SNX4: variants seen among roughly 807,000 people sequenced by gnomAD.
SNX4 encodes the protein sorting nexin-4.
In SNX4, 49 loss-of-function variants were observed where a neutral mutation model predicts 70.8. That is an observed-to-expected ratio of 0.69 (90% confidence interval 0.55 to 0.88). The LOEUF is 0.88. Ranked by LOEUF, SNX4 falls within the 40% of genes least tolerant of loss-of-function variation. SNX4 has a pLI of 0.00. For synonymous variants in SNX4, 206 were observed against 183.8 expected, an observed-to-expected ratio of 1.12 and a Z score of -0.98; for missense variants, 528 against 544.8, an observed-to-expected ratio of 0.97 and a Z score of 0.31.
intron 1 of SNX4, among the ~76,000 whole-genome samples, chr3:125,513,420 T>C (rs1490652867): frequency 6.6e-6 from 1 of 152,230 alleles, no homozygotes; most frequent in African/African-American, 2.4e-5. Flanking sequence ...AGTACCTAAT[T>C]CACAAAGTCA....
rs545176634 is a variant in SNX4 at position 125,519,948 on chromosome 3, GGCCCAGCCCA to G, written c.141+74_141+83del. 1.2e-3 allele frequency: 932 copies of G among 775,384 alleles called. 15 individuals are homozygous for G. Among genetic ancestry groups the G allele is most frequent in the Non-Finnish European group, 1.0e-3 (591 of 567,422 alleles). 48.0% of individuals were successfully genotyped at this position (775,384 alleles called of 1,614,324 possible). A position where few individuals can be genotyped will look rare whatever the true frequency, so the allele number is the denominator to read the frequency against. ...TCGGCCGAGCCCACTGGCCCGGCCC[GGCCCAGCCCA>G]GCCCAGCCCAGCCCAGCCCGGCCCG... On this transcript the variant is annotated intron_variant, in intron 1 of 13. Transcript: ENST00000251775.
intron 8 of SNX4, among the ~76,000 whole-genome samples, chr3:125,470,556 C>T (rs1401904345): frequency 6.7e-6 from 1 of 150,084 alleles, no homozygotes; most frequent in Non-Finnish European, 1.5e-5. Context: ...AACCTGAAGT[C>T]CACCCTCACC....
At chr3:125,507,200 A>G (rs1250805199) in intron 1 of SNX4, among the ~76,000 whole-genome samples, 1 of 150,996 alleles carries the variant, frequency 6.6e-6, no homozygotes, top group Non-Finnish European at 1.5e-5. Context: ...AGAAAAAAAA[A>G]AAAAAAAAAA....
chr3:125,480,519 G>A (rs1376622440), intron 6 of SNX4, among the ~76,000 whole-genome samples, 200 bp from the exon 7 acceptor site: 1 of 152,010 alleles, frequency 6.6e-6, no homozygotes, highest in African/African-American at 2.4e-5. Flanking sequence ...TGAAAGTCAA[G>A]ATATCACACT....
chr3:125,496,754 G>A (rs899542210), intron 5 of SNX4, among the ~76,000 whole-genome samples: 1 of 152,084 alleles, frequency 6.6e-6, no homozygotes, highest in Non-Finnish European at 1.5e-5. Flanking sequence ...TAATTCTAAT[G>A]ACTAAATTTA....
intron 6 of SNX4, among the ~76,000 whole-genome samples, chr3:125,482,258 T>C (rs1047424585): frequency 1.3e-5 from 2 of 152,226 alleles, no homozygotes; most frequent in Non-Finnish European, 2.9e-5. Flanking sequence ...CCAACTGATT[T>C]AGTAGACATT....
intron 6 of SNX4, among the ~76,000 whole-genome samples, chr3:125,482,182 T>C (rs189943538): frequency 1.1e-3 from 160 of 152,364 alleles, no homozygotes; most frequent in African/African-American, 3.5e-3. Context: ...GATTATGATC[T>C]ACATATTGCT....
chr3:125,514,699 CTTTT>C, intron 1 of SNX4, among the ~76,000 whole-genome samples: 1 of 151,970 alleles, frequency 6.6e-6, no homozygotes, highest in Non-Finnish European at 1.5e-5. Flanking sequence ...GCCTCCAAAA[CTTTT>C]TTTGACACAA....
chr3:125,452,104 T>A (rs1933588501), intron 12 of SNX4, among the ~76,000 whole-genome samples: 1 of 150,554 alleles, frequency 6.6e-6, no homozygotes, highest in Middle Eastern at 3.4e-3. Context: ...ATGAATCACG[T>A]TTAGCATTTT....
rs1358163547 is a variant in SNX4 at position 125,519,923 on chromosome 3, T to A, written c.141+109A>T. 18 of 1,079,606 alleles carry A rather than the reference T, an allele frequency of 1.7e-5. 1 individual carries two copies. The highest frequency in any genetic ancestry group is 4.1e-5 in the South Asian group (2 of 48,584). 66.9% of individuals were successfully genotyped at this position (1,079,606 alleles called of 1,614,324 possible). ...CGCTCCCCCTCACTGCTGGGCCTCC[T>A]CGGCCGAGCCCACTGGCCCGGCCCG... is the stretch of plus-strand genomic sequence containing the variant. On this transcript the variant is annotated intron_variant, in intron 1 of 13. Transcript: ENST00000251775.
chr3:125,457,308 G>A lies in SNX4; in HGVS notation c.1002C>T (p.Asp334=), dbSNP rs760419555. The change falls in exon 11 of 14, where the codon GAC becomes GAT. Residue 334 remains aspartate (D), a synonymous_variant. Coordinates refer to ENST00000251775, the MANE Select transcript of SNX4 (RefSeq NM_003794.4). ...CACACTGCTGCTTCTTGGATGCTAA[G>A]TCCTGAGCAGCCATCTCCAAGTCAT... ...MQYDLEMAAQ[D]LASKKQQCEE... 8 of 1,613,880 alleles carry A rather than the reference G, an allele frequency of 5.0e-6. No homozygotes were observed. The highest frequency in any genetic ancestry group is 1.7e-5 in the Admixed American group (1 of 59,988).
intron 7 of SNX4, among the ~76,000 whole-genome samples, chr3:125,478,964 G>T (rs1331404936): frequency 6.6e-6 from 1 of 152,146 alleles, no homozygotes; most frequent in African/African-American, 2.4e-5. Context: ...TTATGAGAAG[G>T]TATCTTATAA....
At chr3:125,468,848 CT>C (rs1214358084) in intron 9 of SNX4, among the ~76,000 whole-genome samples, 6 of 102,684 alleles carry the variant, frequency 5.8e-5, no homozygotes, top group Non-Finnish European at 8.9e-5. Flanking sequence ...GACCTAGTCT[CT>C]TTAAAAAAAA....
At position 125,462,335 on chromosome 3, in the gene SNX4, A is replaced by AG. The variant is rs571619752; in HGVS notation, c.855-1476dup. Among the ~76,000 whole-genome samples, 91 of 152,300 alleles carry AG rather than the reference A, an allele frequency of 6.0e-4. 2 individuals are homozygous for AG. The highest frequency in any genetic ancestry group is 1.6e-3 in the African/African-American group (66 of 41,572). On this transcript the variant is annotated intron_variant, in intron 9 of 13. Transcript: ENST00000251775. The stretch of plus-strand genomic sequence containing the variant: ...CAAGAGAAAACTCGGTACTAAAGCC[A>AG]GGGCAGATGGAAAAGCTGTAACTGG...
At chr3:125,476,514 T>C (rs1397042933) in intron 8 of SNX4, among the ~76,000 whole-genome samples, 181 bp downstream of exon 8, 1 of 152,070 alleles carries the variant, frequency 6.6e-6, no homozygotes, top group Admixed American at 6.6e-5. Context: ...GGGGTTGCAG[T>C]GAGCCGAGAT....
At chr3:125,491,054 G>C (rs138537096) in intron 5 of SNX4, among the ~76,000 whole-genome samples, 1 of 152,232 alleles carries the variant, frequency 6.6e-6, no homozygotes, top group African/African-American at 2.4e-5. Flanking sequence ...CTACTCACAA[G>C]TTCAGCCTCC....
rs547702185 is a variant in SNX4, at chr3:125,485,832, C to A, written c.653+3576G>T. Among the ~76,000 whole-genome samples the A allele has an allele frequency of 2.6e-5, 4 of 152,202 alleles. No homozygotes were observed. The South Asian group carries it at 6.2e-4, about 24-fold the overall frequency. ...AGTTTCTACACTTTGGTTCTTGCCT[C>A]CCTATCTGTAAGCATTCTGTTTTTT... On this transcript the variant is annotated intron_variant, in intron 6 of 13. Transcript: ENST00000251775.
chr3:125,469,831 C>A (rs772692126), intron 8 of SNX4, among the ~76,000 whole-genome samples: 6 of 152,144 alleles, frequency 3.9e-5, no homozygotes, highest in Admixed American at 6.6e-5. Context: ...TTAAAAAATA[C>A]GGATGCTAGC....
chr3:125,517,540 T>C (rs750035039), intron 1 of SNX4, among the ~76,000 whole-genome samples: 1 of 152,192 alleles, frequency 6.6e-6, no homozygotes, highest in African/African-American at 2.4e-5. Flanking sequence ...GGTTTTTAGT[T>C]TGATTTTCTC....
Sources: allele counts gnomAD v4.1 joint callset (sites outside exome capture counted in the v4.1 genomes callset), GRCh38; gene constraint gnomAD v4.1.1; transcripts MANE v1.5; gene names NCBI Gene and HGNC (gene_info 2026-07-23, HGNC 2026-07-21).